PLGRKT: variants seen among roughly 807,000 people sequenced by gnomAD.
The protein encoded by PLGRKT is plasminogen receptor with a C-terminal lysine, also known as plasminogen receptor (KT).
Under a neutral mutation model 18.5 loss-of-function variants are expected in PLGRKT, and 22 were observed. The ratio of observed to expected loss-of-function variants is 1.19; its 90% confidence interval spans 0.85 to 1.70. The LOEUF (loss-of-function observed/expected upper bound fraction) is 1.70. Ranked by LOEUF, PLGRKT falls within the 40% of genes most tolerant of loss-of-function variation. The pLI is 0.00. For synonymous variants in PLGRKT, 72 were observed against 52.8 expected (o/e 1.36, Z -1.58); for missense variants, 235 against 174.4 (o/e 1.35, Z -1.96).
intron 3 of PLGRKT, among the ~76,000 whole-genome samples, chr9:5,408,088 A>C: frequency 6.6e-6 from 1 of 152,242 alleles, no homozygotes; most frequent in East Asian, 1.9e-4. Flanking sequence ...GAGGGGCAAG[A>C]AAAAAAGTTT....
At chr9:5,434,649 G>A (rs1268785046) in intron 2 of PLGRKT, among the ~76,000 whole-genome samples, 2 of 150,162 alleles carry the variant, frequency 1.3e-5, no homozygotes, top group African/African-American at 4.9e-5. Context: ...CATCTGGGAT[G>A]TGAGGAGCAC....
chr9:5,419,580 G>T (rs1046971930), intron 3 of PLGRKT, among the ~76,000 whole-genome samples: 4 of 152,258 alleles, frequency 2.6e-5, no homozygotes, highest in African/African-American at 9.6e-5. Context: ...CGCCAAAGCA[G>T]ATATACAAAT....
At position 5,436,642 on chromosome 9, in the gene PLGRKT, G is replaced by C. The variant is rs1179475380; in HGVS notation, c.-80C>G. 2 of 152,222 alleles carry C rather than the reference G, an allele frequency of 1.3e-5. No individual in the cohort carries two copies. Among genetic ancestry groups the C allele is most frequent in the African/African-American group, 4.8e-5 (2 of 41,444 alleles). 9.4% of individuals were successfully genotyped at this position (152,222 alleles called of 1,614,324 possible). On this transcript the variant is annotated 5_prime_UTR_variant, in exon 2 of 6. Transcript: ENST00000223864. ...GTTAGAGGACGCTCCCAGGTGGAAG[G>C]GTTAAAGGTGGAAGCCAAGCAGGAA... is the stretch of plus-strand genomic sequence containing the variant.
Position 5,431,914 on chromosome 9 carries a change from T to C in PLGRKT, c.64A>G (p.Met22Val). The C allele has an allele frequency of 6.6e-7, 1 of 1,520,666 alleles. No homozygotes were observed. Among genetic ancestry groups the C allele is most frequent in the Non-Finnish European group, 9.1e-7 (1 of 1,096,174 alleles). 94.2% of individuals were successfully genotyped at this position (1,520,666 alleles called of 1,614,324 possible). A position where few individuals can be genotyped will look rare whatever the true frequency, so the allele number is the denominator to read the frequency against. ...AAACATACCTGAAGTCGAGCATTCA[T>C]AAGCATGAACTCCTTTTGATTTTTC... ...SMKNQKEFML[M>V]NARLQLERQL... is the part of the protein sequence containing the mutation. Residue 22 changes from methionine to valine, a missense_variant, in exon 3 of 6, where the codon ATG becomes GTG. Coordinates refer to ENST00000223864, the MANE Select transcript of PLGRKT (RefSeq NM_018465.4).
chr9:5,401,337 G>A (rs1010335448), intron 3 of PLGRKT, among the ~76,000 whole-genome samples: 1 of 151,904 alleles, frequency 6.6e-6, no homozygotes, highest in African/African-American at 2.4e-5. Flanking sequence ...CTAGAAAACT[G>A]CATTAATTTG....
rs527752257 is a variant in PLGRKT, at chr9:5,424,760, T to C, written c.81+7137A>G. On this transcript the variant is annotated intron_variant, in intron 3 of 5. Transcript: ENST00000223864. ...AGAAAGAGACAGAGTTTTGTCACGT[T>C]GCCCGGGCTGGTCCCAAACTCCTGG... 6.2e-5 allele frequency among the ~76,000 whole-genome samples: 9 copies of C among 145,784 alleles called. No homozygotes were observed. In the East Asian group the frequency reaches 1.8e-3, roughly 29 times the overall value.
intron 3 of PLGRKT, among the ~76,000 whole-genome samples, chr9:5,401,689 G>A (rs1366007231): frequency 6.6e-6 from 1 of 151,878 alleles, no homozygotes; most frequent in Non-Finnish European, 1.5e-5. Context: ...GTTATATGAG[G>A]AAAACAGGTA....
intron 3 of PLGRKT, among the ~76,000 whole-genome samples, chr9:5,406,309 C>T (rs373032505): frequency 2.6e-5 from 4 of 152,102 alleles, no homozygotes; most frequent in African/African-American, 9.7e-5. Flanking sequence ...CATATACATA[C>T]GTATGTTCAC....
At chr9:5,431,255 G>A (rs1818816066) in intron 3 of PLGRKT, among the ~76,000 whole-genome samples, 1 of 152,034 alleles carries the variant, frequency 6.6e-6, no homozygotes, top group South Asian at 2.1e-4. Flanking sequence ...AAAGACCCTT[G>A]TGGGCCAGGC....
chr9:5,359,013 G>A (rs572318174), intron 5 of PLGRKT, among the ~76,000 whole-genome samples: 1 of 151,814 alleles, frequency 6.6e-6, no homozygotes, highest in African/African-American at 2.4e-5. Context: ...CCTCCCTTGG[G>A]ATTAAAAGGT....
chr9:5,389,343 G>A (rs375829609), intron 3 of PLGRKT, among the ~76,000 whole-genome samples: 1 of 151,978 alleles, frequency 6.6e-6, no homozygotes, highest in African/African-American at 2.4e-5. Context: ...CTTGTTTTAT[G>A]TCTTTGTTCA....
intron 3 of PLGRKT, among the ~76,000 whole-genome samples, chr9:5,426,383 T>G (rs988956943): frequency 2.0e-5 from 3 of 152,224 alleles, no homozygotes; most frequent in Admixed American, 1.3e-4. Flanking sequence ...CCTAGAATGA[T>G]GCTGGAAGTT....
At chr9:5,421,753 C>A (rs922930083) in intron 3 of PLGRKT, among the ~76,000 whole-genome samples, 1 of 152,162 alleles carries the variant, frequency 6.6e-6, no homozygotes, top group Non-Finnish European at 1.5e-5. Flanking sequence ...TATATACTCA[C>A]ATGTGGGAAA....
intron 3 of PLGRKT, among the ~76,000 whole-genome samples, chr9:5,382,811 T>C (rs1021828313): frequency 1.3e-5 from 2 of 152,116 alleles, no homozygotes; most frequent in African/African-American, 2.4e-5. Context: ...TGAAGTAGGA[T>C]GGCACAGACA....
chr9:5,390,219 G>T (rs1817922452), intron 3 of PLGRKT, among the ~76,000 whole-genome samples: 2 of 81,270 alleles, frequency 2.5e-5, no homozygotes. Flanking sequence ...GTGTGTGCGT[G>T]TGTGTGTGTG....
intron 3 of PLGRKT, among the ~76,000 whole-genome samples, chr9:5,415,353 G>T (rs946972052): frequency 6.6e-6 from 1 of 151,708 alleles, no homozygotes; most frequent in Non-Finnish European, 1.5e-5. Context: ...CACAAAGAAG[G>T]GACAGCTCTT....
intron 3 of PLGRKT, among the ~76,000 whole-genome samples, chr9:5,421,820 T>C (rs764868649): frequency 1.1e-4 from 17 of 152,200 alleles, no homozygotes; most frequent in African/African-American, 2.9e-4. Flanking sequence ...GTGGGTCTTA[T>C]CTAAGGGACA....
At chr9:5,385,153 A>G (rs1483704592) in intron 3 of PLGRKT, among the ~76,000 whole-genome samples, 1 of 152,178 alleles carries the variant, frequency 6.6e-6, no homozygotes, top group East Asian at 1.9e-4. Context: ...AAACAGTGTG[A>G]TTAATATTAT....
intron 3 of PLGRKT, among the ~76,000 whole-genome samples, chr9:5,395,105 C>CA (rs34566239): frequency 0.013 from 1,591 of 123,024 alleles, 33 homozygotes; most frequent in African/African-American, 0.035. Flanking sequence ...AAAGGCTTTG[C>CA]AAAAAAAAAA....
Sources: gnomAD v4.1 joint callset for allele counts (sites outside exome capture counted in the v4.1 genomes callset) on GRCh38, gnomAD v4.1.1 for gene constraint, MANE v1.5 for transcripts, NCBI Gene and HGNC (gene_info 2026-07-23, HGNC 2026-07-21) for gene names.